CIAO3: variants seen among roughly 807,000 people sequenced by gnomAD.
CIAO3 encodes the protein LET1 like/JFP15.
A neutral mutation model predicts 51.5 loss-of-function variants in CIAO3; 45 were observed. That is an observed-to-expected ratio of 0.87 (90% confidence interval 0.69 to 1.12). The LOEUF (loss-of-function observed/expected upper bound fraction) is 1.12. CIAO3 is among the 50% of genes most tolerant of loss of function. The probability of loss-of-function intolerance (pLI) is 0.00; values close to 1 mark genes in which losing one functional copy is unlikely to be tolerated. For missense variants in CIAO3, 668 were observed against 632.5 expected, an observed-to-expected ratio of 1.06 and a Z score of -0.60; for synonymous variants, 314 against 269.3, an observed-to-expected ratio of 1.17 and a Z score of -1.63.
At chr16:733,841 CCGCCCT>C (rs1567344262) in intron 6 of CIAO3, 1 of 361,774 alleles carries the variant, frequency 2.8e-6, no homozygotes, top group Non-Finnish European at 5.3e-6. Context: ...ACCACCGGGG[CCGCCCT>C]CGCCCTCTCC....
Position 733,278 on chromosome 16 carries a change from G to A in CIAO3, c.823+20C>T, listed in dbSNP as rs781023169. On this transcript the variant is annotated intron_variant, in intron 7 of 10. Transcript: ENST00000251588. The stretch of plus-strand genomic sequence containing the variant: ...AGACCAGGAGGCTTGAGGGCTCAGG[G>A]CCGCACGGCGTGACCGCACCTGTTG... 35 of 1,612,218 alleles carry A rather than the reference G, an allele frequency of 2.2e-5. No individual in the cohort carries two copies. The East Asian group carries it at 7.8e-4, about 36-fold the overall frequency.
chr16:734,693 T>G (rs1188460733), intron 5 of CIAO3, 44 bp downstream of exon 5: 1 of 1,612,740 alleles, frequency 6.2e-7, no homozygotes, highest in South Asian at 1.1e-5. Context: ...ACGTTTCAAC[T>G]GCACTTGAAC....
In CIAO3 at chr16:734,790, C is replaced by T. The variant is rs776520052; in HGVS notation, c.521G>A (p.Arg174Gln). 9.9e-6 allele frequency: 16 copies of T among 1,608,436 alleles called. No homozygotes were observed. Among genetic ancestry groups the T allele is most frequent in the African/African-American group, 2.7e-5 (2 of 74,854 alleles). Reference sequence around the variant, plus strand: ...CGCCTGTCTGCAGTCGGCCTGTCCTCGGAATCGCCGCACAAACTCTCGCTG... The same window carrying T: ...CGCCTGTCTGCAGTCGGCCTGTCCTTGGAATCGCCGCACAAACTCTCGCTG... Reference protein sequence around the residue: ...ESQREFVRRFRGQADCRQALP... With the variant: ...ESQREFVRRFQGQADCRQALP... The change falls in exon 5 of 11, where the codon CGA becomes CAA. Residue 174 changes from arginine (R) to glutamine (Q), a missense_variant. Coordinates refer to ENST00000251588, the MANE Select transcript of CIAO3 (RefSeq NM_022493.3).
Position 729,902 on chromosome 16 carries a change from C to G in CIAO3, c.*515G>C. 1 of 375,010 alleles carries G rather than the reference C, an allele frequency of 2.7e-6. No individual in the cohort carries two copies. The highest frequency in any genetic ancestry group is 4.8e-6 in the Non-Finnish European group (1 of 208,128). The allele number at this position is 375,010 out of a possible 1,614,324, so 23.2% of individuals were successfully genotyped here. A position where few individuals can be genotyped will look rare whatever the true frequency, so the allele number is the denominator to read the frequency against. On this transcript the variant is annotated 3_prime_UTR_variant, in exon 11 of 11. Coordinates refer to ENST00000251588, the MANE Select transcript of CIAO3 (RefSeq NM_022493.3). ...CGGACCACAGCCTCGTAACGGTAAC[C>G]CCTGCTTTCCAGGGGCCTGGCACCC...
At chr16:740,000 C>T (rs112046668) in intron 1 of CIAO3, 11 of 1,467,366 alleles carry the variant, frequency 7.5e-6, no homozygotes, top group Non-Finnish European at 1.0e-5. Flanking sequence ...TACCCACCTG[C>T]GGAGACACCA....
At chr16:733,731 G>A (rs953079500) in intron 6 of CIAO3, 4 of 422,958 alleles carry the variant, frequency 9.5e-6, no homozygotes, top group Middle Eastern at 7.0e-4. Context: ...CCGGGGAAAC[G>A]GATGTCACGG....
Position 730,299 on chromosome 16 carries a change from G to T in CIAO3, c.*118C>A. 1 of 1,050,526 alleles carries T rather than the reference G, an allele frequency of 9.5e-7. No homozygotes were observed. The highest frequency in any genetic ancestry group is 1.4e-6 in the Non-Finnish European group (1 of 709,306). 65.1% of individuals were successfully genotyped at this position (1,050,526 alleles called of 1,614,324 possible). ...CCTGGCTAGTCCTAGCTCCTACTCG[G>T]GTCCCAGCACACCCTGCAGCTCACT... On this transcript the variant is annotated 3_prime_UTR_variant, in exon 11 of 11. Coordinates refer to ENST00000251588, the MANE Select transcript of CIAO3 (RefSeq NM_022493.3).
intron 1 of CIAO3, 75 bp downstream of exon 1, chr16:740,845 G>A (rs1022184965): frequency 2.2e-6 from 3 of 1,382,632 alleles, no homozygotes; most frequent in Non-Finnish European, 2.0e-6. Flanking sequence ...GGAGGAAGTG[G>A]GGCGCAGAGC....
Position 730,472 on chromosome 16 carries a change from T to C in CIAO3, c.1376A>G (p.His459Arg). ...CTTCTCCACGGCGTGGTACTGCGTA[T>C]GCAGCAAGCGACCTGCACACTCCGA... ...TDSECAGRLL[H>R]TQYHAVEKAS... The change falls in exon 11 of 11, where the codon CAT becomes CGT. Residue 459 changes from histidine (H) to arginine (R), a missense_variant. Physicochemically the swap from His to Arg is conservative, Grantham distance 29. Transcript: ENST00000251588. 6.2e-7 allele frequency: 1 copy of C among 1,608,162 alleles called. No homozygotes were observed. The highest frequency in any genetic ancestry group is 1.1e-5 in the South Asian group (1 of 91,090).
intron 6 of CIAO3, 125 bp downstream of exon 6, chr16:734,104 G>T: frequency 1.2e-6 from 1 of 818,162 alleles, no homozygotes; most frequent in Non-Finnish European, 2.1e-6. Flanking sequence ...AAGGGTGGAG[G>T]TGTGCTGGGG....
rs374980418 is a variant in CIAO3 at position 737,379 on chromosome 16, A to T, written c.163-50T>A. 14 of 1,608,688 alleles carry T rather than the reference A, an allele frequency of 8.7e-6. No homozygotes were observed. In the African/African-American group the frequency reaches 1.3e-4, roughly 15 times the overall value. ...ACAGGGGCCCCCTCTGCACGAGGAC[A>T]TGGAGACAGAGGATAGTGGAGTCCA... On this transcript the variant is annotated intron_variant, in intron 2 of 10. Coordinates refer to ENST00000251588, the MANE Select transcript of CIAO3 (RefSeq NM_022493.3). The surrounding 1 kb of genome is among the most constrained non-coding windows in gnomAD (Gnocchi z 5.3).
rs1204997674 is a variant in CIAO3, at chr16:736,387, G to T, written c.318C>A (p.Pro106=). The change falls in exon 4 of 11, where the codon CCC becomes CCA. Residue 106 remains proline, a synonymous_variant. Coordinates refer to ENST00000251588, the MANE Select transcript of CIAO3 (RefSeq NM_022493.3). ...AAACTACAACCAGCCTCTGCTGACT[G>T]GGTGCCGCCATCTGCAAAGCAAGGG... ...KVLDANKMAA[P]SQQRLVVVSV... 6.2e-7 allele frequency: 1 copy of T among 1,612,738 alleles called. No homozygotes were observed. The highest frequency in any genetic ancestry group is 1.1e-5 in the South Asian group (1 of 91,072).
At chr16:733,913 G>GGTC in intron 6 of CIAO3, 3 of 411,920 alleles carry the variant, frequency 7.3e-6, no homozygotes, top group Non-Finnish European at 1.4e-5. Flanking sequence ...CTCAGGTGGG[G>GGTC]GTCGTGCTGG....
Position 730,552 on chromosome 16 carries a change from G to A in CIAO3, c.1296C>T (p.Pro432=), listed in dbSNP as rs748883717. Residue 432 remains proline (P), a synonymous_variant, in exon 11 of 11, where the codon CCC becomes CCT. Transcript: ENST00000251588. The stretch of plus-strand genomic sequence containing the variant: ...GCTCCTGAACCCCAGGCGCGTCCTC[G>A]GGCGCCTCAGCCCGGACCATGCCGT... ...RLYGMVRAEA[P]EDAPGVQELY... The A allele has an allele frequency of 5.0e-6, 8 of 1,610,816 alleles. No homozygotes were observed. Among genetic ancestry groups the A allele is most frequent in the African/African-American group, 2.7e-5 (2 of 74,946 alleles).
rs756851306 is a variant in CIAO3, at chr16:733,341, G to C, written c.780C>G (p.Asn260Lys). ...KLEASRPDFF[N>K]QEHQTRDVDC... is the part of the protein sequence containing the mutation. ...CCACATCCCGTGTCTGGTGCTCCTG[G>C]TTGAAAAAGTCGGGTCTGGAGGCTT... The change falls in exon 7 of 11, where the codon AAC (asparagine) becomes AAG (lysine). Residue 260 changes from asparagine (N) to lysine (K), a missense_variant. By Grantham distance (94) the Asn-to-Lys change is moderately conservative. Coordinates refer to ENST00000251588, the MANE Select transcript of CIAO3 (RefSeq NM_022493.3). 7 of 1,613,862 alleles carry C rather than the reference G, an allele frequency of 4.3e-6. No homozygotes were observed. The South Asian group carries it at 7.7e-5, about 18-fold the overall frequency.
At chr16:730,684 A>C (rs1352305403) in intron 10 of CIAO3, 29 bp from the exon 11 acceptor site, 1 of 1,597,814 alleles carries the variant, frequency 6.3e-7, no homozygotes, top group Non-Finnish European at 8.5e-7. Context: ...GACAGGGGTC[A>C]CAGCCTGCGC....
At chr16:738,128 G>A in intron 2 of CIAO3, 1 of 1,017,530 alleles carries the variant, frequency 9.8e-7, no homozygotes, top group Non-Finnish European at 1.2e-6. Context: ...AGCCTTGCCT[G>A]CCACAGGGTG....
intron 2 of CIAO3, among the ~76,000 whole-genome samples, chr16:738,844 G>T (rs1219230234): frequency 6.9e-6 from 1 of 144,912 alleles, no homozygotes; most frequent in Non-Finnish European, 1.5e-5. Flanking sequence ...GATGGGGGTT[G>T]GCCAGGCTGG....
In CIAO3 at chr16:731,000, C is replaced by T. The variant is rs1596669133; in HGVS notation, c.1035G>A (p.Arg345=). 1.2e-6 allele frequency: 2 copies of T among 1,612,604 alleles called. No homozygotes were observed. The highest frequency in any genetic ancestry group is 2.7e-5 in the African/African-American group (2 of 75,064). Residue 345 remains arginine (R), a splice_region_variant and synonymous_variant, in exon 10 of 11, where the codon AGG becomes AGA. Coordinates refer to ENST00000251588, the MANE Select transcript of CIAO3 (RefSeq NM_022493.3). ...GTGTCACCTCCTGGAAGTCTTTGTT[C>T]CTGGGGGGCACAGGCGGGGTTTGTC... ...HVAEVTYKPL[R]NKDFQEVTLE...
Sources: gnomAD v4.1 joint callset for allele counts (sites outside exome capture counted in the v4.1 genomes callset) on GRCh38, gnomAD v4.1.1 for gene constraint, Gnocchi (gnomAD v3.1) non-coding constraint, MANE v1.5 for transcripts, NCBI Gene and HGNC (gene_info 2026-07-23, HGNC 2026-07-21) for gene names.